PTPRM: variants seen among roughly 807,000 people sequenced by gnomAD.
The protein encoded by PTPRM is protein tyrosine phosphatase receptor type M, also known as receptor-type tyrosine-protein phosphatase mu.
In PTPRM, 47 loss-of-function variants were observed where a neutral mutation model predicts 186.7. The ratio of observed to expected loss-of-function variants is 0.25; its 90% CI spans 0.20 to 0.32. The LOEUF (loss-of-function observed/expected upper bound fraction) is 0.32. Among genes scored for constraint, PTPRM ranks in the 10% least tolerant of loss-of-function variants. The pLI is 1.00. For synonymous variants in PTPRM, 668 were observed against 674.9 expected, an observed-to-expected ratio of 0.99 and a Z score of 0.16; for missense variants, 1,494 against 1,865.0, an observed-to-expected ratio of 0.80 and a Z score of 3.66.
At chr18:8,353,542 C>T (rs1288207307) in intron 23 of PTPRM, among the ~76,000 whole-genome samples, 2 of 152,020 alleles carry the variant, frequency 1.3e-5, no homozygotes, top group East Asian at 3.9e-4. Context: ...GTAGGTGGTG[C>T]TGATAAGGAA....
chr18:7,813,985 T>G (rs2145517114), intron 2 of PTPRM: 1 of 152,350 alleles, frequency 6.6e-6, no homozygotes, highest in African/African-American at 2.4e-5. Context: ...TCCTCTTCAC[T>G]TTAATACTTA....
At chr18:8,078,392 C>A (rs619957) in intron 9 of PTPRM, among the ~76,000 whole-genome samples, 1 of 152,174 alleles carries the variant, frequency 6.6e-6, no homozygotes, top group Admixed American at 6.5e-5. Context: ...GACAAAATCA[C>A]GCTAAGGAAA....
chr18:8,126,275 A>G (rs2092361050), intron 13 of PTPRM, among the ~76,000 whole-genome samples: 1 of 151,198 alleles, frequency 6.6e-6, no homozygotes, highest in South Asian at 2.1e-4. Context: ...GAGGGGAGGA[A>G]TATTTTGAAA....
In PTPRM at chr18:8,278,390, T is replaced by G. The variant is rs189271273; in HGVS notation, c.2755-17978T>G. On this transcript the variant is annotated intron_variant, in intron 19 of 32. Transcript: ENST00000580170. ...AAATGTACATAAATCTTTAGTGTCC[T>G]TGTAGATCTGATACACTGCCGTACT... is the stretch of plus-strand genomic sequence containing the variant. Among the ~76,000 whole-genome samples the G allele has an allele frequency of 4.0e-4, 61 of 152,248 alleles. 1 individual carries two copies. The highest frequency in any genetic ancestry group is 6.8e-3 in the Middle Eastern group (2 of 294).
chr18:8,176,348 T>A (rs2093481595), intron 14 of PTPRM, among the ~76,000 whole-genome samples: 1 of 152,230 alleles, frequency 6.6e-6, no homozygotes, highest in Non-Finnish European at 1.5e-5. Context: ...GCCAGTGATT[T>A]CAGAGGGATG....
intron 1 of PTPRM, among the ~76,000 whole-genome samples, chr18:7,742,472 C>G (rs1326037481): frequency 2.6e-5 from 4 of 152,174 alleles, no homozygotes; most frequent in African/African-American, 9.6e-5. Context: ...ATCTGGTAAT[C>G]ATTTTTATTT....
intron 14 of PTPRM, among the ~76,000 whole-genome samples, chr18:8,197,043 G>C (rs931886005): frequency 6.6e-6 from 1 of 152,150 alleles, no homozygotes; most frequent in Non-Finnish European, 1.5e-5. Flanking sequence ...AGCACTTCAA[G>C]GTAAAGGACA....
chr18:8,345,158 A>G (rs961634651), intron 23 of PTPRM, among the ~76,000 whole-genome samples: 5 of 152,248 alleles, frequency 3.3e-5, no homozygotes, highest in African/African-American at 1.2e-4. Flanking sequence ...ATGTTTTTAA[A>G]TGTTGTTATT....
chr18:8,076,238 G>A (rs755160264), intron 8 of PTPRM, among the ~76,000 whole-genome samples: 3 of 151,996 alleles, frequency 2.0e-5, no homozygotes, highest in Non-Finnish European at 2.9e-5. Flanking sequence ...CTGTCTAATT[G>A]ATTAAAACTT....
In PTPRM at chr18:8,161,981, C is replaced by T. The variant is rs534143975; in HGVS notation, c.2300+18202C>T. 9.2e-5 allele frequency among the ~76,000 whole-genome samples: 14 copies of T among 152,268 alleles called. No homozygotes were observed. The South Asian group carries it at 2.5e-3, about 27-fold the overall frequency. On this transcript the variant is annotated intron_variant, in intron 14 of 32. Transcript: ENST00000580170. ...TTCTGCACTGGGATTGCTGTTGACT[C>T]CTGTTATTTCTTGCTAATCCAAGCT...
At chr18:7,977,890 C>T (rs1281035854) in intron 7 of PTPRM, among the ~76,000 whole-genome samples, 1 of 152,168 alleles carries the variant, frequency 6.6e-6, no homozygotes, top group Non-Finnish European at 1.5e-5. Context: ...TTGATTAAGT[C>T]TCAGACTCCT....
chr18:8,147,587 T>C (rs2092914846), intron 14 of PTPRM, among the ~76,000 whole-genome samples: 1 of 152,190 alleles, frequency 6.6e-6, no homozygotes, highest in African/African-American at 2.4e-5. Context: ...TCATGTCTTC[T>C]GCAAAGAGAT....
At chr18:7,828,859 C>A (rs1275408944) in intron 2 of PTPRM, among the ~76,000 whole-genome samples, 4 of 151,788 alleles carry the variant, frequency 2.6e-5, no homozygotes, top group Admixed American at 2.0e-4. Context: ...TAAGTATGAG[C>A]AAAAAAATTT....
intron 1 of PTPRM, among the ~76,000 whole-genome samples, chr18:7,688,930 C>G (rs1008409335): frequency 6.6e-6 from 1 of 152,124 alleles, no homozygotes; most frequent in African/African-American, 2.4e-5. Flanking sequence ...GCCCTGGTGA[C>G]TGTGAGGGAG....
intron 23 of PTPRM, among the ~76,000 whole-genome samples, chr18:8,356,309 T>C (rs962831080): frequency 1.3e-5 from 2 of 152,174 alleles, no homozygotes; most frequent in Admixed American, 6.5e-5. Context: ...ACAGTAGTTA[T>C]GTGTTAAGGA....
chr18:8,247,953 T>A, intron 16 of PTPRM, 34 bp downstream of exon 16: 1 of 1,508,474 alleles, frequency 6.6e-7, no homozygotes. Context: ...CTCTCTGCTC[T>A]CTCCTCAGCA....
chr18:7,896,263 T>C (rs2049349855), intron 3 of PTPRM, among the ~76,000 whole-genome samples: 1 of 152,152 alleles, frequency 6.6e-6, no homozygotes, highest in Admixed American at 6.5e-5. Flanking sequence ...TTTTGCTTTA[T>C]TGTGCTGATA....
intron 7 of PTPRM, among the ~76,000 whole-genome samples, chr18:7,979,856 C>G (rs542469235): frequency 4.7e-4 from 71 of 152,266 alleles, no homozygotes; most frequent in Admixed American, 1.9e-3. Context: ...TTGGGACACA[C>G]TTCCTCTTTC....
At chr18:7,985,653 AAT>A (rs749376457) in intron 7 of PTPRM, among the ~76,000 whole-genome samples, 9 of 149,372 alleles carry the variant, frequency 6.0e-5, no homozygotes, top group African/African-American at 9.9e-5. Context: ...ATATGGGGTA[AAT>A]ATATATATAT....
Sources: allele counts gnomAD v4.1 joint callset (sites outside exome capture counted in the v4.1 genomes callset), GRCh38; gene constraint gnomAD v4.1.1; transcripts MANE v1.5; gene names NCBI Gene and HGNC (gene_info 2026-07-23, HGNC 2026-07-21).